Variants in LRRC17 observed in about 807,000 individuals in gnomAD.
The protein encoded by LRRC17 is leucine rich repeat containing 17, also known as leucine-rich repeat-containing protein 17.
A neutral mutation model predicts 41.5 loss-of-function variants in LRRC17; 33 were observed. The observed-to-expected ratio is 0.80, with a 90% CI of 0.60 to 1.06. The LOEUF is 1.06. Among genes scored for constraint, LRRC17 ranks in the 50% least tolerant of loss-of-function variants. The pLI is 0.00. For missense variants in LRRC17, 491 were observed against 519.3 expected (o/e 0.95, Z 0.53); for synonymous variants, 192 against 197.0 (o/e 0.97, Z 0.21).
intron 1 of LRRC17, among the ~76,000 whole-genome samples, chr7:102,920,552 T>C (rs753762908): frequency 4.6e-5 from 7 of 152,182 alleles, no homozygotes; most frequent in Non-Finnish European, 8.8e-5. Context: ...AGTTTTACCA[T>C]GTTGCCCAGG....
intron 1 of LRRC17, among the ~76,000 whole-genome samples, chr7:102,922,199 A>C (rs1451395713): frequency 6.6e-6 from 1 of 151,744 alleles, no homozygotes; most frequent in Admixed American, 6.6e-5. Flanking sequence ...CAAAAAAAAA[A>C]AAAAATTAAA....
intron 3 of LRRC17, among the ~76,000 whole-genome samples, chr7:102,940,666 T>G (rs1290359786): frequency 1.3e-5 from 2 of 152,252 alleles, no homozygotes; most frequent in African/African-American, 4.8e-5. Flanking sequence ...ATATTATATC[T>G]AGTTCTAGAT....
chr7:102,931,207 A>C (rs75155920), intron 1 of LRRC17, among the ~76,000 whole-genome samples: 5,267 of 152,340 alleles, frequency 0.035, 292 homozygotes, highest in East Asian at 0.17. Context: ...TGGAGCATGC[A>C]GGAAAAGGAA....
At chr7:102,919,390 C>G (rs1232121717) in intron 1 of LRRC17, among the ~76,000 whole-genome samples, 1 of 152,078 alleles carries the variant, frequency 6.6e-6, no homozygotes, top group Non-Finnish European at 1.5e-5. Flanking sequence ...AAAGGAGATT[C>G]TTATGATAAA....
At position 102,934,176 on chromosome 7, in the gene LRRC17, TAGCA is replaced by T. The variant is rs1165411022; in HGVS notation, c.266_269del (p.Ala89GlufsTer7). The T allele has an allele frequency of 6.2e-7, 1 of 1,614,098 alleles. No individual in the cohort carries two copies. Among genetic ancestry groups the T allele is most frequent in the African/African-American group, 1.3e-5 (1 of 74,928 alleles). Reference sequence around the variant, plus strand: ...CCTCAGGATTTGCTGCACATGCTGCTAGCAAGAAACAAGATCCGCACATTGAAGA... The same window carrying T: ...CCTCAGGATTTGCTGCACATGCTGCTAGAAACAAGATCCGCACATTGAAGA... On this transcript the variant is annotated frameshift_variant, in exon 2 of 4. Transcript: ENST00000339431. LOFTEE classifies it high-confidence loss of function.
chr7:102,941,798 TTAAAG>T (rs1821508739), intron 3 of LRRC17, among the ~76,000 whole-genome samples: 1 of 151,934 alleles, frequency 6.6e-6, no homozygotes. Flanking sequence ...GTTAAATGTA[TTAAAG>T]TAATGAGTAA....
intron 1 of LRRC17, among the ~76,000 whole-genome samples, chr7:102,932,155 G>C (rs1819303899): frequency 1.3e-5 from 2 of 152,180 alleles, no homozygotes. Flanking sequence ...GATTATAGGA[G>C]TAAGGGGAAA....
In LRRC17 at chr7:102,934,699, T is replaced by C; in HGVS notation, c.772+14T>C. The stretch of plus-strand genomic sequence containing the variant: ...GCAAAAGGAAAGGTTTGTACTTTTC[T>C]TACTTTTTCATTTTCATGAATAACT... On this transcript the variant is annotated intron_variant, in intron 2 of 3. Transcript: ENST00000339431. 6.4e-7 allele frequency: 1 copy of C among 1,560,006 alleles called. No individual in the cohort carries two copies. Among genetic ancestry groups the C allele is most frequent in the Non-Finnish European group, 8.6e-7 (1 of 1,158,516 alleles).
intron 1 of LRRC17, among the ~76,000 whole-genome samples, chr7:102,930,061 G>A (rs1377287312): frequency 6.6e-6 from 1 of 151,996 alleles, no homozygotes; most frequent in Non-Finnish European, 1.5e-5. Flanking sequence ...TTAGGCAGAT[G>A]GAAAAACAAG....
intron 1 of LRRC17, among the ~76,000 whole-genome samples, chr7:102,914,361 G>A (rs764681592): frequency 5.9e-5 from 9 of 152,188 alleles, no homozygotes; most frequent in African/African-American, 1.9e-4. Context: ...ATGAGCCACC[G>A]TGCCCAGAAA....
At chr7:102,939,378 G>C (rs1767981168) in intron 2 of LRRC17, 52 bp from the exon 3 acceptor site, 1 of 1,487,730 alleles carries the variant, frequency 6.7e-7, no homozygotes, top group Admixed American at 1.9e-5. Flanking sequence ...CGGTGACCGA[G>C]GAAATGGGGG....
chr7:102,932,280 T>C (rs2129473234), intron 1 of LRRC17, among the ~76,000 whole-genome samples: 1 of 152,362 alleles, frequency 6.6e-6, no homozygotes, highest in East Asian at 1.9e-4. Flanking sequence ...TTTGTTTTCA[T>C]TTAACATTTT....
chr7:102,934,143 C>T lies in LRRC17; in HGVS notation c.230C>T (p.Pro77Leu). 6.2e-7 allele frequency: 1 copy of T among 1,614,146 alleles called. No homozygotes were observed. Among genetic ancestry groups the T allele is most frequent in the Non-Finnish European group, 8.5e-7 (1 of 1,179,988 alleles). ...CQERKLVYVL[P>L]GWPQDLLHML... ...GAAAGAAAATTAGTTTATGTGCTGC[C>T]TGGTTGGCCTCAGGATTTGCTGCAC... The change falls in exon 2 of 4, where the codon CCT becomes CTT. Residue 77 changes from proline to leucine, a missense_variant. Pro to Leu is a moderately conservative substitution (Grantham distance 98, BLOSUM62 -3). Transcript: ENST00000339431.
At position 102,944,590 on chromosome 7, in the gene LRRC17, A is replaced by G. The variant is rs1227685366; in HGVS notation, c.1309A>G (p.Ile437Val). The change falls in exon 4 of 4, where the codon ATT (isoleucine) becomes GTT (valine). Residue 437 changes from isoleucine to valine, a missense_variant. Physicochemically the swap from Ile to Val is conservative, Grantham distance 29 (BLOSUM62 3). Coordinates refer to ENST00000339431, the MANE Select transcript of LRRC17 (RefSeq NM_001031692.3). ...DHTAKKQSVI[I>V]TIVG is the part of the protein sequence containing the mutation. Reference sequence around the variant, plus strand: ...CACCGCAAAGAAGCAAAGCGTAATAATTACTATAGTAGGATAAGGTAGAAA... The same window carrying G: ...CACCGCAAAGAAGCAAAGCGTAATAGTTACTATAGTAGGATAAGGTAGAAA... The G allele has an allele frequency of 8.1e-6, 13 of 1,606,934 alleles. No individual in the cohort carries two copies. Among genetic ancestry groups the G allele is most frequent in the Non-Finnish European group, 1.1e-5 (13 of 1,178,124 alleles).
Position 102,934,676 on chromosome 7 carries a change from A to C in LRRC17, c.763A>C (p.Lys255Gln). ...GTTTCCCATACAAACACTGGACTGC[A>C]AAAGGAAAGGTTTGTACTTTTCTTA... ...YVFPIQTLDCKRKELKKVPNN... is the reference protein window; with the variant it reads ...YVFPIQTLDCQRKELKKVPNN... Residue 255 changes from lysine to glutamine, a missense_variant, in exon 2 of 4, where the codon AAA (lysine) becomes CAA (glutamine). Coordinates refer to ENST00000339431, the MANE Select transcript of LRRC17 (RefSeq NM_001031692.3). The C allele has an allele frequency of 6.3e-7, 1 of 1,585,674 alleles. No individual in the cohort carries two copies. Among genetic ancestry groups the C allele is most frequent in the African/African-American group, 1.4e-5 (1 of 73,152 alleles).
intron 1 of LRRC17, among the ~76,000 whole-genome samples, chr7:102,923,447 A>G (rs2129471264): frequency 6.6e-6 from 1 of 152,358 alleles, no homozygotes; most frequent in Admixed American, 6.5e-5. Context: ...TACAATGGAC[A>G]TAAATAACTA....
At chr7:102,931,318 G>A (rs1322265753) in intron 1 of LRRC17, among the ~76,000 whole-genome samples, 1 of 152,210 alleles carries the variant, frequency 6.6e-6, no homozygotes, top group Non-Finnish European at 1.5e-5. Flanking sequence ...GGTCTTCAAG[G>A]TAGAGTAATA....
chr7:102,936,797 CT>C (rs1319051454), intron 2 of LRRC17, among the ~76,000 whole-genome samples: 1 of 149,392 alleles, frequency 6.7e-6, no homozygotes, highest in African/African-American at 2.5e-5. Context: ...TTTAAAACTT[CT>C]ACAACGAGAC....
Position 102,934,484 on chromosome 7 carries a change from A to G in LRRC17, c.571A>G (p.Lys191Glu). The G allele has an allele frequency of 6.2e-7, 1 of 1,614,182 alleles. No homozygotes were observed. Among genetic ancestry groups the G allele is most frequent in the Non-Finnish European group, 8.5e-7 (1 of 1,180,032 alleles). ...GAACCGGAATTTGGGGAACTACGCC[A>G]AGTGTGAAAGTCCACAAGAACAAAA... ...PRNRNLGNYA[K>E]CESPQEQKNK... The change falls in exon 2 of 4, where the codon AAG (lysine) becomes GAG (glutamate). Residue 191 changes from lysine to glutamate, a missense_variant. Physicochemically the swap from Lys to Glu is moderately conservative, Grantham distance 56. Coordinates refer to ENST00000339431, the MANE Select transcript of LRRC17 (RefSeq NM_001031692.3).
Sources: allele counts gnomAD v4.1 joint callset (sites outside exome capture counted in the v4.1 genomes callset), GRCh38; gene constraint gnomAD v4.1.1; transcripts MANE v1.5; gene names NCBI Gene and HGNC (gene_info 2026-07-23, HGNC 2026-07-21).